Variants in ADCY8 observed in about 807,000 individuals in gnomAD.
ADCY8 encodes adenylate cyclase 8, also known as adenylate cyclase type 8.
ADCY8 carries 51 observed loss-of-function variants against 119.7 expected under a neutral mutation model. The ratio of observed to expected loss-of-function variants is 0.43; its 90% confidence interval spans 0.34 to 0.54. The LOEUF (loss-of-function observed/expected upper bound fraction) is 0.54, where lower values mean the gene tolerates loss of function less well. Ranked by LOEUF, ADCY8 falls within the 20% of genes least tolerant of loss-of-function variation. The pLI, the probability that ADCY8 is intolerant of heterozygous loss-of-function variation, is 0.03. For missense variants in ADCY8, 1,383 were observed against 1,598.8 expected (o/e 0.87, Z 2.30); for synonymous variants, 665 against 651.0 (o/e 1.02, Z -0.33).
At chr8:130,967,151 T>C (rs975851979) in intron 2 of ADCY8, among the ~76,000 whole-genome samples, 3 of 152,246 alleles carry the variant, frequency 2.0e-5, no homozygotes. Flanking sequence ...TTTTCACCCA[T>C]AAATGTTTCT....
chr8:130,864,927 T>C (rs1460129506), intron 9 of ADCY8, among the ~76,000 whole-genome samples: 2 of 152,216 alleles, frequency 1.3e-5, no homozygotes, highest in Non-Finnish European at 2.9e-5. Flanking sequence ...AAACTGTTCA[T>C]ATTGTATCAG....
At chr8:131,019,862 T>TCC (rs1454952129) in intron 1 of ADCY8, among the ~76,000 whole-genome samples, 8 of 151,134 alleles carry the variant, frequency 5.3e-5, no homozygotes, top group Non-Finnish European at 7.4e-5. Flanking sequence ...TCTCTCTCTC[T>TCC]CTCTCTCTCA....
Position 131,040,460 on chromosome 8 carries a change from G to T in ADCY8, c.-127C>A. On this transcript the variant is annotated 5_prime_UTR_variant, in exon 1 of 18. Coordinates refer to ENST00000286355, the MANE Select transcript of ADCY8 (RefSeq NM_001115.3). Reference sequence around the variant, plus strand: ...CCTTTTTATCCTAGGCTGCCCCGTTGCAGGAGCCCTGCGCTAGGGCTCCCT... The same window carrying T: ...CCTTTTTATCCTAGGCTGCCCCGTTTCAGGAGCCCTGCGCTAGGGCTCCCT... 8.2e-7 allele frequency: 1 copy of T among 1,213,418 alleles called. No homozygotes were observed. The highest frequency in any genetic ancestry group is 1.1e-6 in the Non-Finnish European group (1 of 936,502). 75.2% of individuals were successfully genotyped at this position (1,213,418 alleles called of 1,614,324 possible).
intron 10 of ADCY8, among the ~76,000 whole-genome samples, chr8:130,847,778 G>T (rs528336003): frequency 6.6e-6 from 1 of 152,126 alleles, no homozygotes; most frequent in Non-Finnish European, 1.5e-5. Flanking sequence ...TGCTCTGTTG[G>T]CCCCATCATT....
intron 1 of ADCY8, among the ~76,000 whole-genome samples, chr8:130,992,977 A>C (rs568468803): frequency 6.6e-6 from 1 of 152,346 alleles, no homozygotes; most frequent in African/African-American, 2.4e-5. Context: ...ATGCTAAAAA[A>C]ACAAAATCTT....
chr8:131,019,285 T>C (rs758451440), intron 1 of ADCY8, among the ~76,000 whole-genome samples: 7 of 152,186 alleles, frequency 4.6e-5, no homozygotes, highest in Non-Finnish European at 8.8e-5. Context: ...ATAAAATTTG[T>C]GTTTGCTTCT....
rs547605028 is a variant in ADCY8, at chr8:130,941,050, A to G, written c.1353+2301T>C. On this transcript the variant is annotated intron_variant, in intron 4 of 17. Transcript: ENST00000286355. ...CTCAATACAAATGAAAAAGACTCTCAAAGCAAAAACATTAGTGCTATCAGT... is the reference window on the plus strand; with the variant it reads ...CTCAATACAAATGAAAAAGACTCTCGAAGCAAAAACATTAGTGCTATCAGT... Among the ~76,000 whole-genome samples the G allele has an allele frequency of 3.3e-5, 5 of 152,358 alleles. No individual in the cohort carries two copies. In the South Asian group the frequency reaches 1.0e-3, roughly 32 times the overall value.
chr8:130,814,598 T>A (rs1178621753), intron 13 of ADCY8, among the ~76,000 whole-genome samples: 2 of 152,230 alleles, frequency 1.3e-5, no homozygotes, highest in Non-Finnish European at 1.5e-5. Flanking sequence ...AGATGTTTAA[T>A]GGACTTCTAG....
At chr8:130,822,783 C>A (rs1296012486) in intron 12 of ADCY8, among the ~76,000 whole-genome samples, 1 of 152,152 alleles carries the variant, frequency 6.6e-6, no homozygotes, top group African/African-American at 2.4e-5. Flanking sequence ...TTCTACTGAC[C>A]AGTTGTTTGA....
At chr8:130,807,664 G>A (rs1417694544) in intron 14 of ADCY8, among the ~76,000 whole-genome samples, 1 of 152,160 alleles carries the variant, frequency 6.6e-6, no homozygotes, top group African/African-American at 2.4e-5. Flanking sequence ...CCAGACCTGG[G>A]AGGAAAGACA....
chr8:130,872,469 G>A (rs1308777025), intron 8 of ADCY8, among the ~76,000 whole-genome samples: 3 of 152,140 alleles, frequency 2.0e-5, no homozygotes, highest in African/African-American at 7.2e-5. Context: ...TTGTTCATAG[G>A]TGCATGATCA....
In ADCY8 at chr8:130,851,451, G is replaced by C. The variant is rs535277781; in HGVS notation, c.2211-1648C>G. 1.1e-4 allele frequency among the ~76,000 whole-genome samples: 17 copies of C among 152,290 alleles called. No individual in the cohort carries two copies. In the East Asian group the frequency reaches 3.3e-3, roughly 29 times the overall value. On this transcript the variant is annotated intron_variant, in intron 9 of 17. Transcript: ENST00000286355. ...TGAGCAAAACATCAGAAGAATGGGAGTGACCAGTGTCTTCAGAGTTTCCCA... is the reference window on the plus strand; with the variant it reads ...TGAGCAAAACATCAGAAGAATGGGACTGACCAGTGTCTTCAGAGTTTCCCA...
intron 8 of ADCY8, among the ~76,000 whole-genome samples, chr8:130,869,655 C>A (rs914755102): frequency 6.6e-6 from 1 of 151,262 alleles, no homozygotes; most frequent in Non-Finnish European, 1.5e-5. Flanking sequence ...GTAGCTGGGA[C>A]TACAGGCGCC....
intron 12 of ADCY8, among the ~76,000 whole-genome samples, chr8:130,832,023 G>C (rs905572968): frequency 2.0e-5 from 3 of 152,198 alleles, no homozygotes; most frequent in Admixed American, 6.5e-5. Context: ...ACAGGGCTTA[G>C]AGAAGTTAAA....
chr8:130,824,102 T>A (rs1199732829), intron 12 of ADCY8, among the ~76,000 whole-genome samples: 1 of 152,174 alleles, frequency 6.6e-6, no homozygotes, highest in African/African-American at 2.4e-5. Context: ...GGATGAGAAC[T>A]CATAGCTCAG....
At chr8:130,863,921 A>G (rs568218965) in intron 9 of ADCY8, among the ~76,000 whole-genome samples, 49 of 152,258 alleles carry the variant, frequency 3.2e-4, no homozygotes, top group Middle Eastern at 3.4e-3. Context: ...TTTTTCTCTG[A>G]TGCTCTTTCT....
intron 8 of ADCY8, among the ~76,000 whole-genome samples, chr8:130,873,599 C>T (rs1818445734): frequency 6.6e-6 from 1 of 152,150 alleles, no homozygotes; most frequent in Admixed American, 6.5e-5. Flanking sequence ...GGCTTACAGG[C>T]ATGAGCCACT....
intron 14 of ADCY8, among the ~76,000 whole-genome samples, chr8:130,807,336 A>AATG (rs1045870413): frequency 1.9e-4 from 29 of 152,198 alleles, no homozygotes. Flanking sequence ...TCTCTGATCA[A>AATG]ATGTCACCTC....
intron 9 of ADCY8, among the ~76,000 whole-genome samples, chr8:130,867,302 C>A (rs1818161176): frequency 6.6e-6 from 1 of 152,120 alleles, no homozygotes; most frequent in African/African-American, 2.4e-5. Flanking sequence ...ACTATGGGAT[C>A]TTAGGGAATT....
Sources: gnomAD v4.1 joint callset for allele counts (sites outside exome capture counted in the v4.1 genomes callset) on GRCh38, gnomAD v4.1.1 for gene constraint, MANE v1.5 for transcripts, NCBI Gene and HGNC (gene_info 2026-07-23, HGNC 2026-07-21) for gene names.